Variants in EDNRA observed in about 807,000 individuals in gnomAD.
The protein encoded by EDNRA is endothelin-1 receptor.
Under a neutral mutation model 41.4 loss-of-function variants are expected in EDNRA, and 11 were observed. The ratio of observed to expected loss-of-function variants is 0.27; its 90% CI spans 0.17 to 0.44. EDNRA has a LOEUF of 0.44. EDNRA is among the 20% of genes least tolerant of loss of function. EDNRA has a pLI of 1.00. For missense variants in EDNRA, 294 were observed against 531.0 expected (o/e 0.55, Z 4.39); for synonymous variants, 172 against 183.0 (o/e 0.94, Z 0.49).
intron 2 of EDNRA, chr4:147,493,906 A>C (rs1020774419): frequency 4.6e-5 from 7 of 152,226 alleles, no homozygotes; most frequent in Admixed American, 3.3e-4. Flanking sequence ...GCCTAAAATC[A>C]AATGTGCCCT....
chr4:147,525,448 C>CT (rs1029517702), intron 3 of EDNRA, among the ~76,000 whole-genome samples: 1 of 152,114 alleles, frequency 6.6e-6, no homozygotes, highest in African/African-American at 2.4e-5. Context: ...GTTGAATTAT[C>CT]TTTTTAATTC....
intron 5 of EDNRA, among the ~76,000 whole-genome samples, chr4:147,539,000 G>T (rs1339027954): frequency 6.6e-6 from 1 of 152,066 alleles, no homozygotes; most frequent in Non-Finnish European, 1.5e-5. Context: ...ACCAATGAAT[G>T]GTTGCAGATA....
At chr4:147,510,075 A>G (rs576381093) in intron 2 of EDNRA, among the ~76,000 whole-genome samples, 1 of 152,178 alleles carries the variant, frequency 6.6e-6, no homozygotes, top group Non-Finnish European at 1.5e-5. Flanking sequence ...TAAGATGAAC[A>G]GTGTTGATCA....
At chr4:147,520,531 A>G (rs10305901) in intron 3 of EDNRA, 1 of 509,354 alleles carries the variant, frequency 2.0e-6, no homozygotes, top group South Asian at 1.4e-5. Flanking sequence ...ATCCGCACGC[A>G]TGATTGTTAA....
At position 147,523,224 on chromosome 4, in the gene EDNRA, A is replaced by C. The variant is rs543725077; in HGVS notation, c.548+3246A>C. ...TTAAAAGGTGCCAGACTCTTAGTTA[A>C]ATCTCTCCTGGATCAGGAAAAGACC... On this transcript the variant is annotated intron_variant, in intron 3 of 7. Transcript: ENST00000651419. 3.9e-5 allele frequency among the ~76,000 whole-genome samples: 6 copies of C among 152,334 alleles called. No individual in the cohort carries two copies. In the South Asian group the frequency reaches 1.2e-3, roughly 32 times the overall value.
chr4:147,510,374 A>G (rs764737789), intron 2 of EDNRA, among the ~76,000 whole-genome samples: 2 of 152,230 alleles, frequency 1.3e-5, no homozygotes, highest in Non-Finnish European at 2.9e-5. Context: ...TACAACATAT[A>G]TCAAACTTCA....
rs1377081372 is a variant in EDNRA, at chr4:147,515,151, A to G, written c.421-4700A>G. ...TACTAATGCTTATGTCCCAACTCCAAAGATTCTAATTTTGTTGGTCTAGGA... is the reference window on the plus strand; with the variant it reads ...TACTAATGCTTATGTCCCAACTCCAGAGATTCTAATTTTGTTGGTCTAGGA... On this transcript the variant is annotated intron_variant, in intron 2 of 7. Coordinates refer to ENST00000651419, the MANE Select transcript of EDNRA (RefSeq NM_001957.4). Among the ~76,000 whole-genome samples, 29 of 152,134 alleles carry G rather than the reference A, an allele frequency of 1.9e-4. 1 individual carries two copies. The highest frequency in any genetic ancestry group is 1.8e-3 in the Admixed American group (28 of 15,286).
chr4:147,504,399 T>C (rs1260019762), intron 2 of EDNRA, among the ~76,000 whole-genome samples: 3 of 152,234 alleles, frequency 2.0e-5, no homozygotes, highest in Admixed American at 1.3e-4. Flanking sequence ...TTACCAATTA[T>C]AAGGATCTTC....
intron 2 of EDNRA, among the ~76,000 whole-genome samples, chr4:147,487,166 A>G (rs1354155737): frequency 6.6e-6 from 1 of 152,164 alleles, no homozygotes; most frequent in East Asian, 1.9e-4. Context: ...CAAGCCATTC[A>G]TGGGAGATCT....
rs11552087 is a variant in EDNRA at position 147,544,831 on chromosome 4, A to C, written c.*2213A>C. ...AAGTAACTGTGGTTTACTAGCAGGA[A>C]TATTTCCAATTTCTACCTTTACTAC... On this transcript the variant is annotated 3_prime_UTR_variant, in exon 8 of 8. Transcript: ENST00000651419. 6.6e-6 allele frequency: 1 copy of C among 152,664 alleles called. No homozygotes were observed. Among genetic ancestry groups the C allele is most frequent in the Non-Finnish European group, 1.5e-5 (1 of 68,034 alleles). 9.5% of individuals were successfully genotyped at this position (152,664 alleles called of 1,614,324 possible).
chr4:147,541,357 C>G (rs1731097881), intron 7 of EDNRA, among the ~76,000 whole-genome samples: 1 of 152,122 alleles, frequency 6.6e-6, no homozygotes, highest in Non-Finnish European at 1.5e-5. Flanking sequence ...TTGGACCAGG[C>G]TGTTTAACTT....
chr4:147,494,810 G>A (rs1729253836), intron 2 of EDNRA: 1 of 152,126 alleles, frequency 6.6e-6, no homozygotes, highest in Non-Finnish European at 1.5e-5. Context: ...GAGATGGGAA[G>A]TTTTTGGAAA....
At chr4:147,541,469 A>C (rs907293486) in intron 7 of EDNRA, among the ~76,000 whole-genome samples, 1 of 152,224 alleles carries the variant, frequency 6.6e-6, no homozygotes, top group Non-Finnish European at 1.5e-5. Context: ...CTTGCTAACT[A>C]TCTACCCCAG....
intron 7 of EDNRA, among the ~76,000 whole-genome samples, chr4:147,541,800 C>T (rs566986488): frequency 6.6e-6 from 1 of 152,258 alleles, no homozygotes; most frequent in East Asian, 1.9e-4. Flanking sequence ...AATGGATTGA[C>T]TAACATGCAG....
intron 5 of EDNRA, among the ~76,000 whole-genome samples, chr4:147,537,681 C>T (rs1730963284): frequency 6.6e-6 from 1 of 152,028 alleles, no homozygotes; most frequent in South Asian, 2.1e-4. Flanking sequence ...ATTTCCATTT[C>T]CATGTCTTTT....
At chr4:147,542,258 A>C (rs996699187) in intron 7 of EDNRA, among the ~76,000 whole-genome samples, 4 of 152,192 alleles carry the variant, frequency 2.6e-5, no homozygotes, top group Non-Finnish European at 5.9e-5. Flanking sequence ...TTGGTAATAA[A>C]ATTAAAATGA....
At chr4:147,527,420 A>G (rs1041888848) in intron 3 of EDNRA, among the ~76,000 whole-genome samples, 1 of 152,186 alleles carries the variant, frequency 6.6e-6, no homozygotes, top group African/African-American at 2.4e-5. Context: ...CCCGTGTAGA[A>G]ACATAGGAGA....
intron 3 of EDNRA, among the ~76,000 whole-genome samples, chr4:147,525,570 A>G (rs1306809085): frequency 5.3e-5 from 8 of 149,822 alleles, no homozygotes; most frequent in Admixed American, 2.7e-4. Context: ...CAAGTTTTAT[A>G]TATTACTTTG....
intron 1 of EDNRA, among the ~76,000 whole-genome samples, chr4:147,482,459 C>T (rs1728798826): frequency 6.6e-6 from 1 of 152,142 alleles, no homozygotes; most frequent in Non-Finnish European, 1.5e-5. Context: ...GCTTCACTAG[C>T]GCTATGACTG....
Sources: gnomAD v4.1 joint callset for allele counts (sites outside exome capture counted in the v4.1 genomes callset) on GRCh38, gnomAD v4.1.1 for gene constraint, MANE v1.5 for transcripts, NCBI Gene and HGNC (gene_info 2026-07-23, HGNC 2026-07-21) for gene names.